POLR1B: variants seen among roughly 807,000 people sequenced by gnomAD.
POLR1B encodes the protein DNA-directed RNA polymerase I subunit RPA2.
A neutral mutation model predicts 105.8 loss-of-function variants in POLR1B; 30 were observed. That is an observed-to-expected ratio of 0.28 (90% CI 0.21 to 0.38). The LOEUF (loss-of-function observed/expected upper bound fraction) is 0.38, where lower values mean the gene tolerates loss of function less well. Ranked by LOEUF, POLR1B falls within the 10% of genes least tolerant of loss-of-function variation. POLR1B has a pLI of 1.00. For missense variants in POLR1B, 976 were observed against 1,435.8 expected, an observed-to-expected ratio of 0.68 and a Z score of 5.17; for synonymous variants, 485 against 505.1, an observed-to-expected ratio of 0.96 and a Z score of 0.53.
At position 112,573,629 on chromosome 2, in the gene POLR1B, A is replaced by G. The variant is rs764957259; in HGVS notation, c.2339A>G (p.Asp780Gly). The change falls in exon 14 of 15, where the codon GAC becomes GGC. Residue 780 changes from aspartate (D) to glycine (G), a missense_variant. Asp to Gly is a moderately conservative substitution (Grantham distance 94). This residue lies in a region of POLR1B where 119 missense variants were observed against 149.7 expected (regional missense o/e 0.79). Transcript: ENST00000263331. ...HGSVYKSEFI[D>G]LSEKIKQGDS... ...AGTGTCTACAAGTCTGAGTTCATAGACCTCTCTGAAAAAATTAAACAAGGA... is the reference window on the plus strand; with the variant it reads ...AGTGTCTACAAGTCTGAGTTCATAGGCCTCTCTGAAAAAATTAAACAAGGA... 1 of 1,613,962 alleles carries G rather than the reference A, an allele frequency of 6.2e-7. No individual in the cohort carries two copies. The highest frequency in any genetic ancestry group is 1.3e-5 in the African/African-American group (1 of 74,884).
chr2:112,547,604 G>C, intron 3 of POLR1B, 37 bp downstream of exon 3: 1 of 1,592,488 alleles, frequency 6.3e-7, no homozygotes, highest in Non-Finnish European at 8.5e-7. Flanking sequence ...CAGTAGAGAA[G>C]GCCTGGGTTG....
chr2:112,549,862 G>A (rs913919464), intron 4 of POLR1B, among the ~76,000 whole-genome samples: 5 of 152,050 alleles, frequency 3.3e-5, no homozygotes, highest in East Asian at 3.9e-4. Context: ...GCGTGCACAC[G>A]TACTACAAAT....
chr2:112,559,931 A>G (rs771508792), intron 9 of POLR1B, among the ~76,000 whole-genome samples: 2 of 151,984 alleles, frequency 1.3e-5, no homozygotes, highest in African/African-American at 2.4e-5. Flanking sequence ...CGCCCGGCCA[A>G]GGTTACGTGG....
rs569044175 is a variant in POLR1B, at chr2:112,574,615, A to G, written c.2526-232A>G. Among the ~76,000 whole-genome samples, 9 of 151,926 alleles carry G rather than the reference A, an allele frequency of 5.9e-5. No homozygotes were observed. In the South Asian group the frequency reaches 1.2e-3, roughly 21 times the overall value. On this transcript the variant is annotated intron_variant, in intron 14 of 14. Transcript: ENST00000263331. ...CATATACCTGTAGTCCCAGCTACTC[A>G]GGAGGCTGAGGTGGGAGGATTGCTT...
At chr2:112,553,153 A>C (rs1683459564) in intron 7 of POLR1B, among the ~76,000 whole-genome samples, 1 of 152,216 alleles carries the variant, frequency 6.6e-6, no homozygotes, top group Admixed American at 6.5e-5. Context: ...ATTTATTTGT[A>C]ACCCTAATGT....
In POLR1B at chr2:112,559,588, A is replaced by G. The variant is rs2104542486; in HGVS notation, c.1612+14A>G. ...TGTGCAACTTGGGTATGTAGTGTAC[A>G]GTGATAAACATCTTGTTTGGTTATG... On this transcript the variant is annotated intron_variant, in intron 9 of 14. Transcript: ENST00000263331. 2.5e-6 allele frequency: 4 copies of G among 1,599,694 alleles called. No homozygotes were observed. The highest frequency in any genetic ancestry group is 1.7e-5 in the Admixed American group (1 of 58,486).
intron 14 of POLR1B, among the ~76,000 whole-genome samples, chr2:112,574,282 ATAATT>A (rs1412326485): frequency 3.3e-5 from 5 of 152,224 alleles, no homozygotes; most frequent in African/African-American, 1.2e-4. Flanking sequence ...ATTTTACAAT[ATAATT>A]TATTTCAATA....
In POLR1B at chr2:112,574,899, G is replaced by A; in HGVS notation, c.2578G>A (p.Gly860Arg). ...CATCAAAGTGTGCAGTAATGACACT[G>A]GGAGTGGAAAATTCAAGTGTGTTTG... is the stretch of plus-strand genomic sequence containing the variant. ...DNIKVCSNDT[G>R]SGKFKCVCIT... The change falls in exon 15 of 15, where the codon GGG (glycine) becomes AGG (arginine). Residue 860 changes from glycine (G) to arginine (R), a missense_variant. By Grantham distance (125) the Gly-to-Arg change is moderately radical. Coordinates refer to ENST00000263331, the MANE Select transcript of POLR1B (RefSeq NM_019014.6). 1 of 1,614,060 alleles carries A rather than the reference G, an allele frequency of 6.2e-7. No individual in the cohort carries two copies. The highest frequency in any genetic ancestry group is 8.5e-7 in the Non-Finnish European group (1 of 1,179,958).
In POLR1B at chr2:112,562,479, G is replaced by A. The variant is rs1221278111; in HGVS notation, c.1613-1887G>A. Among the ~76,000 whole-genome samples the A allele has an allele frequency of 4.6e-5, 7 of 152,132 alleles. No homozygotes were observed. The East Asian group carries it at 1.2e-3, about 25-fold the overall frequency. ...GATATTGCAGGTTTGGTTCCAGAGCGCTGCAATAAAGTGAGCCACATGAAT... is the reference window on the plus strand; with the variant it reads ...GATATTGCAGGTTTGGTTCCAGAGCACTGCAATAAAGTGAGCCACATGAAT... On this transcript the variant is annotated intron_variant, in intron 9 of 14. Coordinates refer to ENST00000263331, the MANE Select transcript of POLR1B (RefSeq NM_019014.6).
In POLR1B at chr2:112,576,544, CTACCCTGTT is replaced by C. The variant is rs1684868278; in HGVS notation, c.*817_*825del. On this transcript the variant is annotated 3_prime_UTR_variant, in exon 15 of 15. Transcript: ENST00000263331. ...TCCCTGGCCCCTAGCAACCACCCTT[CTACCCTGTT>C]TCTATGAGTTTGACTATTACAGATA... 6.6e-6 allele frequency: 1 copy of C among 152,250 alleles called. No individual in the cohort carries two copies. Among genetic ancestry groups the C allele is most frequent in the South Asian group, 2.1e-4 (1 of 4,838 alleles). The allele number at this position is 152,250 out of a possible 1,614,324, so 9.4% of individuals were successfully genotyped here.
Position 112,564,440 on chromosome 2 carries a change from G to T in POLR1B, c.1687G>T (p.Val563Phe). Residue 563 changes from valine (V) to phenylalanine (F), a missense_variant, in exon 10 of 15, where the codon GTT becomes TTT. This residue lies in a region of POLR1B where 184 missense variants were observed against 197.4 expected (regional missense o/e 0.93). Transcript: ENST00000263331. ...CCCTGTCCTGCTGGACGGTGTCATG[G>T]TTGGCTGGGTGGATAAGGATCTTGC... ...CYPVLLDGVM[V>F]GWVDKDLAPG... 1 of 1,614,264 alleles carries T rather than the reference G, an allele frequency of 6.2e-7. No individual in the cohort carries two copies.
chr2:112,548,272 A>G (rs556952738), intron 3 of POLR1B: 2 of 152,262 alleles, frequency 1.3e-5, no homozygotes, highest in African/African-American at 4.8e-5. Context: ...TTTGACACAC[A>G]GCTCTTCCGC....
At position 112,575,828 on chromosome 2, in the gene POLR1B, T is replaced by C; in HGVS notation, c.*99T>C. On this transcript the variant is annotated 3_prime_UTR_variant, in exon 15 of 15. Coordinates refer to ENST00000263331, the MANE Select transcript of POLR1B (RefSeq NM_019014.6). The surrounding 1 kb of genome is among the most constrained non-coding windows in gnomAD (Gnocchi z 5.3). The stretch of plus-strand genomic sequence containing the variant: ...CATTACCAGGTTACTCTTGAGATTT[T>C]TCAACGGTGTTAGAACTCTCAACCA... 1 of 1,353,346 alleles carries C rather than the reference T, an allele frequency of 7.4e-7. No homozygotes were observed. The highest frequency in any genetic ancestry group is 1.0e-6 in the Non-Finnish European group (1 of 995,152). 83.8% of individuals were successfully genotyped at this position (1,353,346 alleles called of 1,614,324 possible).
Position 112,573,597 on chromosome 2 carries a change from C to T in POLR1B, c.2307C>T (p.Ala769=). The T allele has an allele frequency of 3.1e-6, 5 of 1,614,058 alleles. No individual in the cohort carries two copies. Among genetic ancestry groups the T allele is most frequent in the East Asian group, 2.2e-5 (1 of 44,880 alleles). The change falls in exon 14 of 15, where the codon GCC becomes GCT. Residue 769 remains alanine, a synonymous_variant. Coordinates refer to ENST00000263331, the MANE Select transcript of POLR1B (RefSeq NM_019014.6). ...AGGCCTCTTGGGAACGAGGCTTTGC[C>T]CATGGAAGTGTCTACAAGTCTGAGT... ...VNKASWERGF[A]HGSVYKSEFI...
At chr2:112,571,455 A>G (rs1199325401) in intron 12 of POLR1B, among the ~76,000 whole-genome samples, 1 of 152,036 alleles carries the variant, frequency 6.6e-6, no homozygotes, top group African/African-American at 2.4e-5. Flanking sequence ...ACAGTCCATC[A>G]CCTGGTTCAG....
intron 7 of POLR1B, among the ~76,000 whole-genome samples, chr2:112,553,197 A>C (rs9308672): frequency 6.6e-6 from 1 of 152,098 alleles, no homozygotes; most frequent in African/African-American, 2.4e-5. Flanking sequence ...ATTCACATAC[A>C]TGAGCAGAGC....
chr2:112,559,333 T>C lies in POLR1B; in HGVS notation c.1371T>C (p.Ala457=). 1 of 1,614,226 alleles carries C rather than the reference T, an allele frequency of 6.2e-7. No homozygotes were observed. Among genetic ancestry groups the C allele is most frequent in the Non-Finnish European group, 8.5e-7 (1 of 1,180,038 alleles). The part of the protein sequence containing the change: ...LLQDSGLCVV[A]DKLNFIRYLS... ...AAGATTCTGGACTTTGTGTTGTGGCTGACAAGCTGAACTTCATACGCTACC... is the reference window on the plus strand; with the variant it reads ...AAGATTCTGGACTTTGTGTTGTGGCCGACAAGCTGAACTTCATACGCTACC... The change falls in exon 9 of 15, where the codon GCT becomes GCC. Residue 457 remains alanine, a synonymous_variant. Transcript: ENST00000263331.
chr2:112,575,005 G>A lies in POLR1B; in HGVS notation c.2684G>A (p.Arg895Lys), dbSNP rs570651851. ...CATGGGCAGAAGGGCATTTTAAGCA[G>A]ATTGTGGCCGGCTGAGGACATGCCT... ...SRHGQKGILSRLWPAEDMPFT... is the reference protein window; with the variant it reads ...SRHGQKGILSKLWPAEDMPFT... The change falls in exon 15 of 15, where the codon AGA becomes AAA. Residue 895 changes from arginine to lysine, a missense_variant. By Grantham distance (26) the Arg-to-Lys change is conservative. Transcript: ENST00000263331. This position sits in a 1 kb window ranked among gnomAD's most constrained non-coding sequence, Gnocchi z 5.3. The A allele has an allele frequency of 1.9e-6, 3 of 1,614,216 alleles. No individual in the cohort carries two copies. Among genetic ancestry groups the A allele is most frequent in the South Asian group, 1.1e-5 (1 of 91,088 alleles).
chr2:112,562,360 G>A (rs1684031532), intron 9 of POLR1B, among the ~76,000 whole-genome samples: 1 of 151,980 alleles, frequency 6.6e-6, no homozygotes, highest in South Asian at 2.1e-4. Flanking sequence ...CCTCCCATAG[G>A]CCCCTGTCCC....
Sources: allele counts gnomAD v4.1 joint callset (sites outside exome capture counted in the v4.1 genomes callset), GRCh38; gene constraint gnomAD v4.1.1; regional missense constraint gnomAD v4.1.1; non-coding constraint Gnocchi (gnomAD v3.1); transcripts MANE v1.5; gene names NCBI Gene and HGNC (gene_info 2026-07-23, HGNC 2026-07-21).